Variants in NOX4 observed in about 807,000 individuals in gnomAD.
NOX4 encodes the protein kidney oxidase-1.
Under a neutral mutation model 87.6 loss-of-function variants are expected in NOX4, and 69 were observed. The ratio of observed to expected loss-of-function variants is 0.79; its 90% CI spans 0.65 to 0.96. NOX4 has a LOEUF of 0.96. Among genes scored for constraint, NOX4 ranks in the 40% least tolerant of loss-of-function variants. NOX4 has a pLI of 0.00. For missense variants in NOX4, 680 were observed against 681.5 expected (o/e 1.00, Z 0.02); for synonymous variants, 275 against 238.2 (o/e 1.15, Z -1.42).
chr11:89,568,306 G>A, the NOX4 span, among the ~76,000 whole-genome samples: 2 of 152,192 alleles, frequency 1.3e-5, no homozygotes, highest in African/African-American at 4.8e-5. Flanking sequence ...CAAAAAGTGG[G>A]TTCTTTGAAA....
intron 8 of NOX4, among the ~76,000 whole-genome samples, chr11:89,409,504 A>G (rs952323233): frequency 1.3e-5 from 2 of 152,230 alleles, no homozygotes; most frequent in African/African-American, 4.8e-5. Context: ...ATATATACAT[A>G]CAAGCTATAG....
chr11:89,331,831 ACT>A (rs1166400845), intron 17 of NOX4, among the ~76,000 whole-genome samples: 1 of 150,964 alleles, frequency 6.6e-6, no homozygotes, highest in Non-Finnish European at 1.5e-5. Flanking sequence ...AACTAGCTTA[ACT>A]CTCTGATATC....
chr11:89,525,759 T>G, the NOX4 span, among the ~76,000 whole-genome samples: 1 of 152,108 alleles, frequency 6.6e-6, no homozygotes, highest in Non-Finnish European at 1.5e-5. Context: ...AGGATTATAA[T>G]CTTTGTGTGC....
chr11:89,561,353 C>T, the NOX4 span, among the ~76,000 whole-genome samples: 1 of 151,798 alleles, frequency 6.6e-6, no homozygotes, highest in African/African-American at 2.4e-5. Context: ...ACATAGATTC[C>T]ATCCAAATAT....
chr11:89,451,860 AACAGAT>A lies in NOX4; in HGVS notation c.183_188del (p.Ser62_Val63del). On this transcript the variant is annotated inframe_deletion, in exon 3 of 18. Coordinates refer to ENST00000263317, the MANE Select transcript of NOX4 (RefSeq NM_016931.5). ...GGATAAGGCTGCAGTTGAGGTTAAG[AACAGAT>A]GCTGAGGCTCTGCTTAGACACAATC... 6.2e-7 allele frequency: 1 copy of A among 1,613,374 alleles called. No individual in the cohort carries two copies. The highest frequency in any genetic ancestry group is 8.5e-7 in the Non-Finnish European group (1 of 1,179,478).
chr11:89,486,271 TTAAATAAA>T (rs199868196), intron 2 of NOX4, among the ~76,000 whole-genome samples: 1 of 148,676 alleles, frequency 6.7e-6, no homozygotes, highest in African/African-American at 2.5e-5. Flanking sequence ...ATTTATTTAT[TTAAATAAA>T]TAAATAAATA....
At position 89,326,840 on chromosome 11, in the gene NOX4, T is replaced by G. The variant is rs752293379; in HGVS notation, c.1653A>C (p.Ser551=). The G allele has an allele frequency of 6.2e-7, 1 of 1,613,284 alleles. No homozygotes were observed. Among genetic ancestry groups the G allele is most frequent in the East Asian group, 2.2e-5 (1 of 44,778 alleles). ...TCAGTTTATGAAGAGTCTTGGATAG[T>G]GAATTGGGTCCACAACAGAAAACAC... ...TVGVFCCGPN[S]LSKTLHKLSN... is the part of the protein sequence containing the mutation. The change falls in exon 18 of 18, where the codon TCA becomes TCC. Residue 551 remains serine, a synonymous_variant. Coordinates refer to ENST00000263317, the MANE Select transcript of NOX4 (RefSeq NM_016931.5).
intron 2 of NOX4, among the ~76,000 whole-genome samples, chr11:89,474,875 A>G (rs937148068): frequency 2.0e-5 from 3 of 152,030 alleles, no homozygotes; most frequent in Non-Finnish European, 4.4e-5. Context: ...AAGAAATTAA[A>G]TGGGTTAATA....
chr11:89,523,951 A>T, the NOX4 span, among the ~76,000 whole-genome samples: 1 of 152,226 alleles, frequency 6.6e-6, no homozygotes, highest in African/African-American at 2.4e-5. Context: ...TTAAAAATAA[A>T]ACAAAACAAA....
intron 13 of NOX4, among the ~76,000 whole-genome samples, chr11:89,344,376 CA>C (rs1946127369): frequency 6.6e-6 from 1 of 151,890 alleles, no homozygotes; most frequent in Admixed American, 6.6e-5. Context: ...GCCTGAGCAA[CA>C]AAATGAGACC....
chr11:89,558,123 G>A, the NOX4 span, among the ~76,000 whole-genome samples: 1 of 152,000 alleles, frequency 6.6e-6, no homozygotes, highest in Non-Finnish European at 1.5e-5. Context: ...ATGAGCACCA[G>A]AAACAAGAAA....
the NOX4 span, among the ~76,000 whole-genome samples, chr11:89,518,821 C>T: frequency 1.3e-5 from 2 of 152,014 alleles, no homozygotes; most frequent in Middle Eastern, 6.8e-3. Context: ...AAGGACGACA[C>T]CTAAAATATA....
intron 2 of NOX4, among the ~76,000 whole-genome samples, chr11:89,459,642 G>A (rs922067791): frequency 1.3e-5 from 2 of 152,030 alleles, no homozygotes; most frequent in East Asian, 1.9e-4. Context: ...ACAAACCACT[G>A]CTCAATGAAA....
At chr11:89,542,118 C>A in the NOX4 span, among the ~76,000 whole-genome samples, 1 of 152,114 alleles carries the variant, frequency 6.6e-6, no homozygotes, top group Non-Finnish European at 1.5e-5. Context: ...GGCCAAACTA[C>A]TGTTTAACAC....
the NOX4 span, among the ~76,000 whole-genome samples, chr11:89,572,293 G>T: frequency 6.6e-6 from 1 of 152,130 alleles, no homozygotes; most frequent in Non-Finnish European, 1.5e-5. Context: ...AATCCACCTG[G>T]AAATGATTTC....
chr11:89,483,069 T>A (rs1277533702), intron 2 of NOX4, among the ~76,000 whole-genome samples: 1 of 152,042 alleles, frequency 6.6e-6, no homozygotes, highest in Non-Finnish European at 1.5e-5. Context: ...AGCAAATAGT[T>A]CCTAATCTAA....
intron 2 of NOX4, among the ~76,000 whole-genome samples, chr11:89,456,319 A>G (rs1945196609): frequency 6.6e-6 from 1 of 152,252 alleles, no homozygotes; most frequent in Non-Finnish European, 1.5e-5. Flanking sequence ...TAGAATACAT[A>G]TATTTTGACA....
At chr11:89,365,277 A>T (rs1409325876) in intron 12 of NOX4, among the ~76,000 whole-genome samples, 1 of 152,112 alleles carries the variant, frequency 6.6e-6, no homozygotes, top group Admixed American at 6.6e-5. Flanking sequence ...TTTGCTTCTT[A>T]TTTGTTTAAC....
At chr11:89,474,333 T>C (rs898658058) in intron 2 of NOX4, among the ~76,000 whole-genome samples, 4 of 151,786 alleles carry the variant, frequency 2.6e-5, no homozygotes, top group Non-Finnish European at 4.4e-5. Context: ...AAAACTAATA[T>C]TGAGTAAGAC....
Sources: allele counts gnomAD v4.1 joint callset (sites outside exome capture counted in the v4.1 genomes callset), GRCh38; gene constraint gnomAD v4.1.1; transcripts MANE v1.5; gene names NCBI Gene and HGNC (gene_info 2026-07-23, HGNC 2026-07-21).